The following VPS54 variants were observed in gnomAD, a reference collection of about 807,000 sequenced individuals.
VPS54 encodes the protein VPS54 subunit of GARP complex, also known as vacuolar protein sorting-associated protein 54.
In VPS54, 45 loss-of-function variants were observed where a neutral mutation model predicts 121.5. The observed-to-expected ratio is 0.37, with a 90% confidence interval of 0.29 to 0.47. VPS54 has a LOEUF of 0.47. VPS54 is among the 20% of genes least tolerant of loss of function. The probability of loss-of-function intolerance (pLI) is 0.99; values close to 1 mark genes in which losing one functional copy is unlikely to be tolerated. For missense variants in VPS54, 1,090 were observed against 1,131.4 expected (o/e 0.96, Z 0.52); for synonymous variants, 371 against 385.8 (o/e 0.96, Z 0.45).
intron 1 of VPS54, among the ~76,000 whole-genome samples, chr2:63,997,611 TTTTTGTTTTG>T (rs59064791): frequency 2.6e-4 from 40 of 152,028 alleles, no homozygotes; most frequent in African/African-American, 8.7e-4. Context: ...GATGTGTCAG[TTTTTGTTTTG>T]TTTTGTTTTG....
intron 20 of VPS54, among the ~76,000 whole-genome samples, chr2:63,905,638 T>C (rs1672873547): frequency 6.6e-6 from 1 of 152,060 alleles, no homozygotes; most frequent in African/African-American, 2.4e-5. Flanking sequence ...CAAATTCTTC[T>C]TCCAGGAAAT....
intron 20 of VPS54, among the ~76,000 whole-genome samples, chr2:63,907,577 C>CAGAAAATA (rs1413931310): frequency 6.8e-6 from 1 of 146,890 alleles, no homozygotes; most frequent in East Asian, 2.0e-4. Flanking sequence ...GCAGCATGAA[C>CAGAAAATA]AGAAAATAAA....
intron 7 of VPS54, 110 bp from the exon 8 acceptor site, chr2:63,949,273 A>C (rs1675130121): frequency 2.9e-6 from 3 of 1,036,888 alleles, no homozygotes; most frequent in Non-Finnish European, 4.1e-6. Flanking sequence ...GTACCTGTGC[A>C]ATAATGCAAT....
intron 15 of VPS54, among the ~76,000 whole-genome samples, 154 bp from the exon 16 acceptor site, chr2:63,917,117 A>G (rs1673416568): frequency 6.6e-6 from 1 of 152,130 alleles, no homozygotes. Context: ...CACAGTAAAT[A>G]AAGTATACTG....
At chr2:63,990,316 G>A (rs1308588275) in intron 1 of VPS54, among the ~76,000 whole-genome samples, 1 of 150,626 alleles carries the variant, frequency 6.6e-6, no homozygotes, top group Non-Finnish European at 1.5e-5. Flanking sequence ...GTACTTATAA[G>A]CTCCCGCGGC....
intron 20 of VPS54, among the ~76,000 whole-genome samples, chr2:63,905,989 A>G (rs1477442936): frequency 6.6e-6 from 1 of 152,222 alleles, no homozygotes; most frequent in African/African-American, 2.4e-5. Flanking sequence ...ACATCTGTTC[A>G]TCATATAAAC....
intron 20 of VPS54, among the ~76,000 whole-genome samples, chr2:63,904,427 A>G (rs185983981): frequency 3.1e-5 from 4 of 129,816 alleles, no homozygotes; most frequent in African/African-American, 1.1e-4. Context: ...CAACAGAGCA[A>G]GACTTGGTCT....
intron 4 of VPS54, among the ~76,000 whole-genome samples, chr2:63,970,258 T>TATATAGATAA (rs1676214819): frequency 7.4e-6 from 1 of 134,690 alleles, no homozygotes; most frequent in African/African-American, 2.9e-5. Context: ...TATATAGATA[T>TATATAGATAA]ATATAGATAT....
At chr2:63,975,241 C>G in intron 3 of VPS54, 1 of 455,542 alleles carries the variant, frequency 2.2e-6, no homozygotes, top group Non-Finnish European at 3.9e-6. Flanking sequence ...CCAACTCCAT[C>G]TTGCTTCTAA....
intron 3 of VPS54, among the ~76,000 whole-genome samples, chr2:63,973,285 A>G (rs1413257571): frequency 1.3e-5 from 2 of 152,202 alleles, no homozygotes; most frequent in Non-Finnish European, 2.9e-5. Flanking sequence ...TTTGATATTT[A>G]GCATCTTTTT....
At chr2:64,007,619 A>G (rs770183588) in intron 1 of VPS54, among the ~76,000 whole-genome samples, 18 of 152,222 alleles carry the variant, frequency 1.2e-4, no homozygotes, top group Non-Finnish European at 2.4e-4. Flanking sequence ...TGAATTTTCC[A>G]TTACTGCTTC....
intron 9 of VPS54, among the ~76,000 whole-genome samples, chr2:63,947,144 A>G (rs1222375617): frequency 6.6e-6 from 1 of 152,078 alleles, no homozygotes; most frequent in Non-Finnish European, 1.5e-5. Flanking sequence ...AAATATATGT[A>G]TAAAATCATA....
At chr2:64,013,863 A>G (rs946531152) in intron 1 of VPS54, among the ~76,000 whole-genome samples, 3 of 151,678 alleles carry the variant, frequency 2.0e-5, no homozygotes, top group African/African-American at 7.3e-5. Context: ...CCTTATTTTT[A>G]TATGATTCTG....
intron 12 of VPS54, among the ~76,000 whole-genome samples, chr2:63,930,864 C>A (rs1674160713): frequency 6.6e-6 from 1 of 152,096 alleles, no homozygotes; most frequent in Non-Finnish European, 1.5e-5. Context: ...TTTCTATACA[C>A]CAATAACAGA....
intron 6 of VPS54, 92 bp downstream of exon 6, chr2:63,965,743 A>T: frequency 6.6e-7 from 1 of 1,512,932 alleles, no homozygotes; most frequent in Non-Finnish European, 8.9e-7. Context: ...ATTTAAAAGT[A>T]CAGCTTACTA....
At chr2:63,894,699 T>TC (rs1400133571) in intron 22 of VPS54, among the ~76,000 whole-genome samples, 1 of 127,364 alleles carries the variant, frequency 7.9e-6, no homozygotes, top group Non-Finnish European at 1.7e-5. Flanking sequence ...AGACCCTGTC[T>TC]CCAAAAAAAA....
chr2:63,978,671 G>A lies in VPS54; in HGVS notation c.378+2975C>T, dbSNP rs1676659271. On this transcript the variant is annotated intron_variant, in intron 3 of 22. Coordinates refer to ENST00000272322, the MANE Select transcript of VPS54 (RefSeq NM_016516.3). ...GAGTCTTGCTGTCACCCAGGCTGGA[G>A]TGGAATGGCATGATCTCAGCTCACT... Among the ~76,000 whole-genome samples, 4 of 152,124 alleles carry A rather than the reference G, an allele frequency of 2.6e-5. No individual in the cohort carries two copies. The South Asian group carries it at 8.3e-4, about 32-fold the overall frequency.
intron 3 of VPS54, 80 bp from the exon 4 acceptor site, chr2:63,972,324 A>T: frequency 9.4e-7 from 1 of 1,059,776 alleles, no homozygotes; most frequent in Admixed American, 2.2e-5. Context: ...GCAACAGAAT[A>T]TCAGAATATG....
At chr2:63,922,643 G>C (rs1459395277) in intron 12 of VPS54, among the ~76,000 whole-genome samples, 1 of 152,192 alleles carries the variant, frequency 6.6e-6, no homozygotes, top group East Asian at 1.9e-4. Flanking sequence ...AGAATATTAA[G>C]AGAGTAGAAC....
Sources: gnomAD v4.1 joint callset for allele counts (sites outside exome capture counted in the v4.1 genomes callset) on GRCh38, gnomAD v4.1.1 for gene constraint, MANE v1.5 for transcripts, NCBI Gene and HGNC (gene_info 2026-07-23, HGNC 2026-07-21) for gene names.